Variants in TGFBR1 observed in about 807,000 individuals in gnomAD.
TGFBR1 encodes transforming growth factor beta receptor 1.
Under a neutral mutation model 55.1 loss-of-function variants are expected in TGFBR1, and 20 were observed. The observed-to-expected ratio is 0.36, with a 90% CI of 0.26 to 0.53. The LOEUF (loss-of-function observed/expected upper bound fraction) is 0.53. Ranked by LOEUF, TGFBR1 falls within the 20% of genes least tolerant of loss-of-function variation. The probability of loss-of-function intolerance (pLI) is 0.91; values close to 1 mark genes in which losing one functional copy is unlikely to be tolerated. For synonymous variants in TGFBR1, 220 were observed against 214.8 expected, an observed-to-expected ratio of 1.02 and a Z score of -0.21; for missense variants, 385 against 617.6, an observed-to-expected ratio of 0.62 and a Z score of 3.99.
intron 1 of TGFBR1, among the ~76,000 whole-genome samples, chr9:99,120,368 AC>A (rs1178251259): frequency 6.6e-6 from 1 of 152,166 alleles, no homozygotes; most frequent in Non-Finnish European, 1.5e-5. Context: ...TTTAGCACTC[AC>A]CTTTAGACAT....
In TGFBR1 at chr9:99,137,890, G is replaced by A. The variant is rs201497553; in HGVS notation, c.606G>A (p.Ala202=). 15 of 1,613,784 alleles carry A rather than the reference G, an allele frequency of 9.3e-6. No homozygotes were observed. Among genetic ancestry groups the A allele is most frequent in the African/African-American group, 5.3e-5 (4 of 74,882 alleles). Residue 202 remains alanine, a synonymous_variant, in exon 4 of 9, where the codon GCG becomes GCA. Transcript: ENST00000374994. Reference sequence around the variant, plus strand: ...CATTGCTTGTTCAGAGAACAATTGCGAGAACTATTGTGTTACAAGAAAGCA... The same window carrying A: ...CATTGCTTGTTCAGAGAACAATTGCAAGAACTATTGTGTTACAAGAAAGCA... ...GLPLLVQRTI[A]RTIVLQESIG...
At chr9:99,144,338 A>G (rs1355809289) in intron 5 of TGFBR1, among the ~76,000 whole-genome samples, 1 of 152,210 alleles carries the variant, frequency 6.6e-6, no homozygotes, top group Non-Finnish European at 1.5e-5. Context: ...ATCAAAGATA[A>G]TATACTTAAT....
At chr9:99,146,458 A>C (rs1227953514) in intron 6 of TGFBR1, 27 bp from the exon 7 acceptor site, 1 of 1,613,700 alleles carries the variant, frequency 6.2e-7, no homozygotes, top group Non-Finnish European at 8.5e-7. Flanking sequence ...GATGATTTTC[A>C]AAGTTCTTTT....
chr9:99,126,051 G>T (rs1469056196), intron 1 of TGFBR1, among the ~76,000 whole-genome samples: 1 of 152,166 alleles, frequency 6.6e-6, no homozygotes, highest in African/African-American at 2.4e-5. Flanking sequence ...TATTGTGAAG[G>T]TAAGGGCGAG....
upstream of TGFBR1, chr9:99,105,104 G>A (rs1294786610): frequency 3.2e-6 from 3 of 936,600 alleles, no homozygotes; most frequent in Non-Finnish European, 3.9e-6. Flanking sequence ...GCCGGAGCGA[G>A]GCCGCCGCGG....
chr9:99,107,737 T>TTA (rs1183928210), intron 1 of TGFBR1, among the ~76,000 whole-genome samples: 1 of 152,248 alleles, frequency 6.6e-6, no homozygotes, highest in Non-Finnish European at 1.5e-5. Flanking sequence ...ACTTAGCAGC[T>TTA]TATGATTGGG....
At chr9:99,147,563 A>AC (rs1346471146) in intron 7 of TGFBR1, 91 bp from the exon 8 acceptor site, 1 of 1,220,994 alleles carries the variant, frequency 8.2e-7, no homozygotes, top group African/African-American at 1.5e-5. Context: ...TAGTAATGAA[A>AC]CACTGTAATA....
intron 1 of TGFBR1, among the ~76,000 whole-genome samples, chr9:99,122,883 C>A (rs747373160): frequency 2.6e-5 from 4 of 152,078 alleles, no homozygotes; most frequent in African/African-American, 4.8e-5. Flanking sequence ...AAATTCAAAA[C>A]CTTTTGAGCA....
At chr9:99,137,814 G>T in intron 3 of TGFBR1, 45 bp from the exon 4 acceptor site, 1 of 1,512,170 alleles carries the variant, frequency 6.6e-7, no homozygotes, top group South Asian at 1.1e-5. Context: ...TTTGAAACAT[G>T]TAATATTGTT....
rs1335267591 is a variant in TGFBR1, at chr9:99,153,882, A to T, written c.*4577A>T. 4.7e-6 allele frequency: 1 copy of T among 214,206 alleles called. No individual in the cohort carries two copies. The highest frequency in any genetic ancestry group is 9.4e-6 in the Non-Finnish European group (1 of 105,934). 13.3% of individuals were successfully genotyped at this position (214,206 alleles called of 1,614,324 possible). ...ACATGCTTAGGGGTGTGGGTCTTCC[A>T]TTGGGGCATGATGGACCTGTCTACA... On this transcript the variant is annotated 3_prime_UTR_variant, in exon 9 of 9. Transcript: ENST00000374994.
intron 1 of TGFBR1, among the ~76,000 whole-genome samples, chr9:99,106,460 G>A (rs10733708): frequency 0.32 from 47,821 of 151,134 alleles, 7,712 homozygotes; most frequent in East Asian, 0.46. Context: ...AAGACTGACG[G>A]TGACGATTAT....
chr9:99,147,805 T>C lies in TGFBR1; in HGVS notation c.1386+21T>C, dbSNP rs1588597073. On this transcript the variant is annotated intron_variant, in intron 8 of 8. Transcript: ENST00000374994. ...GTGAAGTGAGTATTTCTTTTTGATA[T>C]TAGGCAATTTTCTAAACTGCTTCTG... 6 of 1,613,430 alleles carry C rather than the reference T, an allele frequency of 3.7e-6. No individual in the cohort carries two copies. The East Asian group carries it at 1.3e-4, about 36-fold the overall frequency.
Position 99,129,223 on chromosome 9 carries a change from G to A in TGFBR1, c.343+123G>A. ...AGCTCATTCCGTTTAGAGGCAAGAA[G>A]TGACTTGTCCATTGTTACAGACTTA... On this transcript the variant is annotated intron_variant, in intron 2 of 8. Coordinates refer to ENST00000374994, the MANE Select transcript of TGFBR1 (RefSeq NM_004612.4). The A allele has an allele frequency of 2.7e-6, 3 of 1,112,880 alleles. 1 individual carries two copies. The highest frequency in any genetic ancestry group is 3.1e-5 in the African/African-American group (2 of 64,408). The allele number at this position is 1,112,880 out of a possible 1,614,324, so 68.9% of individuals were successfully genotyped here.
intron 1 of TGFBR1, 191 bp from the exon 2 acceptor site, chr9:99,128,664 G>A (rs144670722): frequency 1.9e-5 from 15 of 772,358 alleles, no homozygotes; most frequent in African/African-American, 1.0e-4. Context: ...GGGCTTCCAC[G>A]TGTATGTGGT....
rs1826365367 is a variant in TGFBR1, at chr9:99,105,147, T to A, written c.-59T>A. 6.6e-6 allele frequency: 7 copies of A among 1,066,124 alleles called. No homozygotes were observed. The highest frequency in any genetic ancestry group is 7.9e-6 in the Non-Finnish European group (7 of 881,436). 66.0% of individuals were successfully genotyped at this position (1,066,124 alleles called of 1,614,324 possible). On this transcript the variant is annotated 5_prime_UTR_variant, in exon 1 of 9. Coordinates refer to ENST00000374994, the MANE Select transcript of TGFBR1 (RefSeq NM_004612.4). ...GGAGGTGGGGCGAGGCGAGGTTTGCTGGGGTGAGGCAGCGGCGCGGCCGGG... is the reference window on the plus strand; with the variant it reads ...GGAGGTGGGGCGAGGCGAGGTTTGCAGGGGTGAGGCAGCGGCGCGGCCGGG...
At chr9:99,131,082 G>A (rs1827209345) in intron 2 of TGFBR1, among the ~76,000 whole-genome samples, 1 of 151,716 alleles carries the variant, frequency 6.6e-6, no homozygotes, top group Non-Finnish European at 1.5e-5. Flanking sequence ...TCATAAAGAA[G>A]ACAGAATACC....
chr9:99,135,156 C>CT (rs1827393717), intron 3 of TGFBR1, among the ~76,000 whole-genome samples: 3 of 152,136 alleles, frequency 2.0e-5, no homozygotes. Context: ...GAGGAAAAAT[C>CT]TAACATACAG....
rs751099980 is a variant in TGFBR1 at position 99,142,525 on chromosome 9, C to T, written c.806-11C>T. On this transcript the variant is annotated splice_polypyrimidine_tract_variant and intron_variant, in intron 4 of 8. Transcript: ENST00000374994. ...CTGCAGCCCAACCGAAATGTTAATTCTGTTTTACAGACAATGGTACTTGGA... is the reference window on the plus strand; with the variant it reads ...CTGCAGCCCAACCGAAATGTTAATTTTGTTTTACAGACAATGGTACTTGGA... 3.1e-6 allele frequency: 5 copies of T among 1,613,910 alleles called. No homozygotes were observed. Among genetic ancestry groups the T allele is most frequent in the Non-Finnish European group, 4.2e-6 (5 of 1,179,852 alleles).
chr9:99,122,498 G>A (rs1157197671), intron 1 of TGFBR1, among the ~76,000 whole-genome samples: 1 of 151,928 alleles, frequency 6.6e-6, no homozygotes, highest in African/African-American at 2.4e-5. Context: ...TTGGGACCAA[G>A]AGCCAAGATC....
Sources: allele counts gnomAD v4.1 joint callset (sites outside exome capture counted in the v4.1 genomes callset), GRCh38; gene constraint gnomAD v4.1.1; transcripts MANE v1.5; gene names NCBI Gene and HGNC (gene_info 2026-07-23, HGNC 2026-07-21).